The following AP2B1 variants were observed in gnomAD, a reference collection of about 807,000 sequenced individuals.
AP2B1 encodes adaptor related protein complex 2 subunit beta 1, also known as AP-2 complex subunit beta.
AP2B1 carries 23 observed loss-of-function variants against 102.0 expected under a neutral mutation model. The ratio of observed to expected loss-of-function variants is 0.23; its 90% CI spans 0.16 to 0.32. AP2B1 has a LOEUF of 0.32. Among genes scored for constraint, AP2B1 ranks in the 10% least tolerant of loss-of-function variants. The pLI is 1.00. For synonymous variants in AP2B1, 381 were observed against 421.2 expected, an observed-to-expected ratio of 0.90 and a Z score of 1.17; for missense variants, 541 against 1,157.4, an observed-to-expected ratio of 0.47 and a Z score of 7.73.
chr17:35,627,643 C>T lies in AP2B1; in HGVS notation c.1072C>T (p.Leu358=). The T allele has an allele frequency of 4.3e-6, 7 of 1,613,976 alleles. No individual in the cohort carries two copies. The highest frequency in any genetic ancestry group is 5.9e-6 in the Non-Finnish European group (7 of 1,179,978). ...CTGGGTTTAACAGGTTCTGGCAGAACTGAAAGAATATGCTACAGAGGTGGA... is the reference window on the plus strand; with the variant it reads ...CTGGGTTTAACAGGTTCTGGCAGAATTGAAAGAATATGCTACAGAGGTGGA... ...QANIAQVLAE[L]KEYATEVDVD... is the part of the protein sequence containing the mutation. The change falls in exon 9 of 22, where the codon CTG becomes TTG. Residue 358 remains leucine (L), a synonymous_variant. Transcript: ENST00000610402.
chr17:35,615,097 A>C (rs2073977056), intron 5 of AP2B1, among the ~76,000 whole-genome samples: 1 of 152,186 alleles, frequency 6.6e-6, no homozygotes, highest in Admixed American at 6.5e-5. Flanking sequence ...CCAGCAGTAA[A>C]TGTTAATAAT....
At chr17:35,699,705 T>C (rs914632349) in intron 18 of AP2B1, among the ~76,000 whole-genome samples, 2 of 152,236 alleles carry the variant, frequency 1.3e-5, no homozygotes, top group African/African-American at 4.8e-5. Context: ...TAGACCTTTC[T>C]GTTTTGTCAG....
At chr17:35,711,715 C>T (rs890216193) in intron 20 of AP2B1, among the ~76,000 whole-genome samples, 2 of 152,218 alleles carry the variant, frequency 1.3e-5, no homozygotes, top group East Asian at 3.8e-4. Flanking sequence ...TTGTGATCCG[C>T]CCGCCTCGGC....
intron 18 of AP2B1, among the ~76,000 whole-genome samples, chr17:35,694,411 C>CCTTTT (rs774109262): frequency 1.1e-4 from 1 of 9,208 alleles, no homozygotes; most frequent in Non-Finnish European, 1.9e-4. Context: ...ACCTAGCTGA[C>CCTTTT]TTTTTTTTTT....
At chr17:35,691,759 A>G (rs939167646) in intron 18 of AP2B1, among the ~76,000 whole-genome samples, 3 of 152,238 alleles carry the variant, frequency 2.0e-5, no homozygotes, top group Non-Finnish European at 2.9e-5. Flanking sequence ...AGCAGTATGT[A>G]GGTACTGGAG....
In AP2B1 at chr17:35,674,326, G is replaced by A; in HGVS notation, c.2324+5G>A. On this transcript the variant is annotated splice_donor_5th_base_variant and intron_variant, in intron 17 of 21. Transcript: ENST00000610402. The stretch of plus-strand genomic sequence containing the variant: ...AATCCAGTTTAACAAAAATAGGTAA[G>A]CAATCTGGGTCCCTAGCTTGATGTT... 6.2e-7 allele frequency: 1 copy of A among 1,613,974 alleles called. No individual in the cohort carries two copies. The highest frequency in any genetic ancestry group is 1.7e-5 in the Admixed American group (1 of 60,006).
chr17:35,603,417 C>T (rs2073557215), intron 3 of AP2B1, among the ~76,000 whole-genome samples: 1 of 152,182 alleles, frequency 6.6e-6, no homozygotes, highest in Non-Finnish European at 1.5e-5. Context: ...CCCTTCCAAG[C>T]TAATGGTGCT....
chr17:35,600,902 C>A, intron 3 of AP2B1: 1 of 637,946 alleles, frequency 1.6e-6, no homozygotes, highest in Non-Finnish European at 2.0e-6. Flanking sequence ...GAAATGGCAG[C>A]GTAGGAAATG....
At position 35,646,888 on chromosome 17, in the gene AP2B1, T is replaced by TG. The variant is rs1467963787; in HGVS notation, c.1537-3642_1537-3641insG. Among the ~76,000 whole-genome samples, 8 of 152,224 alleles carry TG rather than the reference T, an allele frequency of 5.3e-5. No individual in the cohort carries two copies. In the East Asian group the frequency reaches 1.4e-3, roughly 26 times the overall value. ...ACTGAGCCACCGTGCCTGGCTGAGATTTTTGAATTTTGTGAATCCCTATAG... is the reference window on the plus strand; with the variant it reads ...ACTGAGCCACCGTGCCTGGCTGAGATGTTTTGAATTTTGTGAATCCCTATAG... On this transcript the variant is annotated intron_variant, in intron 12 of 21. Transcript: ENST00000610402.
intron 9 of AP2B1, among the ~76,000 whole-genome samples, chr17:35,635,051 G>A (rs1455887087): frequency 1.3e-5 from 2 of 151,932 alleles, no homozygotes; most frequent in African/African-American, 4.8e-5. Context: ...TGTAATGGTA[G>A]GTTTTTTTGG....
intron 21 of AP2B1, among the ~76,000 whole-genome samples, chr17:35,720,868 A>G (rs1360774908): frequency 6.6e-6 from 1 of 151,980 alleles, no homozygotes. Context: ...AAATAGGTCT[A>G]ATTTGTTCCC....
At chr17:35,701,334 T>G (rs982032320) in intron 18 of AP2B1, among the ~76,000 whole-genome samples, 1 of 152,204 alleles carries the variant, frequency 6.6e-6, no homozygotes, top group African/African-American at 2.4e-5. Flanking sequence ...CTAGGGATAC[T>G]TGAAGCTAAA....
intron 3 of AP2B1, among the ~76,000 whole-genome samples, chr17:35,601,800 C>T (rs959227473): frequency 2.7e-5 from 4 of 149,222 alleles, no homozygotes; most frequent in Admixed American, 1.3e-4. Context: ...TTTTTGAGAC[C>T]GAGTTTTGCT....
At chr17:35,704,679 G>GT (rs1205864300) in intron 18 of AP2B1, among the ~76,000 whole-genome samples, 1 of 152,078 alleles carries the variant, frequency 6.6e-6, no homozygotes, top group African/African-American at 2.4e-5. Context: ...GAACCTTAAG[G>GT]TTAAATAGGT....
chr17:35,706,331 C>T (rs1310851837), intron 18 of AP2B1, among the ~76,000 whole-genome samples: 1 of 152,200 alleles, frequency 6.6e-6, no homozygotes, highest in Non-Finnish European at 1.5e-5. Context: ...AAGATGTTTA[C>T]AAACCCATTC....
chr17:35,629,501 T>C (rs573988904), intron 9 of AP2B1, among the ~76,000 whole-genome samples: 3 of 152,316 alleles, frequency 2.0e-5, no homozygotes, highest in Admixed American at 2.0e-4. Context: ...CTTTTTGTGG[T>C]TGCAATAGCT....
At chr17:35,608,677 C>T (rs116371234) in intron 5 of AP2B1, among the ~76,000 whole-genome samples, 1,613 of 151,986 alleles carry the variant, frequency 0.011, 23 homozygotes, top group African/African-American at 0.029. Flanking sequence ...GAGGTTTGGC[C>T]GTAAATTTAT....
At chr17:35,713,024 C>G (rs1332400927) in intron 20 of AP2B1, among the ~76,000 whole-genome samples, 1 of 152,202 alleles carries the variant, frequency 6.6e-6, no homozygotes, top group Non-Finnish European at 1.5e-5. Context: ...GGACTTTGGT[C>G]TGTCAAAATA....
At chr17:35,599,389 A>G (rs1310304510) in intron 3 of AP2B1, among the ~76,000 whole-genome samples, 1 of 152,226 alleles carries the variant, frequency 6.6e-6, no homozygotes, top group Non-Finnish European at 1.5e-5. Flanking sequence ...TTTAAAGTAA[A>G]AAATTAGAAT....
Sources: gnomAD v4.1 joint callset for allele counts (sites outside exome capture counted in the v4.1 genomes callset) on GRCh38, gnomAD v4.1.1 for gene constraint, MANE v1.5 for transcripts, NCBI Gene and HGNC (gene_info 2026-07-23, HGNC 2026-07-21) for gene names.